Variants in DYRK1A observed in about 807,000 individuals in gnomAD.
The protein encoded by DYRK1A is dual specificity tyrosine-phosphorylation-regulated kinase 1A.
In DYRK1A, 9 loss-of-function variants were observed where a neutral mutation model predicts 79.7. The ratio of observed to expected loss-of-function variants is 0.11; its 90% confidence interval spans 0.07 to 0.20. The LOEUF is 0.20. Ranked by LOEUF, DYRK1A falls within the 10% of genes least tolerant of loss-of-function variation. The probability of loss-of-function intolerance (pLI) is 1.00; values close to 1 mark genes in which losing one functional copy is unlikely to be tolerated. For synonymous variants in DYRK1A, 349 were observed against 329.7 expected (o/e 1.06, Z -0.63); for missense variants, 622 against 956.0 (o/e 0.65, Z 4.61).
chr21:37,503,000 A>G (rs2053495641), intron 9 of DYRK1A: 2 of 152,174 alleles, frequency 1.3e-5, no homozygotes, highest in Admixed American at 1.3e-4. Flanking sequence ...TATTCTTAGC[A>G]TTGTTCCCCT....
At chr21:37,510,759 A>G (rs1376355183) in intron 11 of DYRK1A, among the ~76,000 whole-genome samples, 1 of 151,622 alleles carries the variant, frequency 6.6e-6, no homozygotes, top group African/African-American at 2.4e-5. Context: ...TACTGTGTCC[A>G]GCAGGCAGAA....
In DYRK1A at chr21:37,480,670, A is replaced by G. The variant is rs370463929; in HGVS notation, c.333A>G (p.Gln111=). 1.1e-4 allele frequency: 175 copies of G among 1,600,060 alleles called. No individual in the cohort carries two copies. Among genetic ancestry groups the G allele is most frequent in the Admixed American group, 4.8e-4 (27 of 56,374 alleles). The change falls in exon 5 of 12, where the codon CAA becomes CAG. Residue 111 remains glutamine (Q), a synonymous_variant. Coordinates refer to ENST00000647188, the MANE Select transcript of DYRK1A (RefSeq NM_001347721.2). ...ATGCAAAAAAGAAGCGAAGACACCA[A>G]CAGGGCCAGGGAGACGATTCTAGTC... The part of the protein sequence containing the change: ...VYYAKKKRRH[Q]QGQGDDSSHK...
At chr21:37,436,457 T>C (rs1404433568) in intron 2 of DYRK1A, among the ~76,000 whole-genome samples, 1 of 152,200 alleles carries the variant, frequency 6.6e-6, no homozygotes, top group African/African-American at 2.4e-5. Context: ...TTCTGGCTTT[T>C]TGTCACTTGG....
At chr21:37,510,222 T>G (rs980365456) in intron 11 of DYRK1A, among the ~76,000 whole-genome samples, 3 of 152,248 alleles carry the variant, frequency 2.0e-5, no homozygotes, top group Non-Finnish European at 4.4e-5. Flanking sequence ...ATAATTTTGA[T>G]AACTATTGCC....
At chr21:37,449,778 AT>A (rs1569332379) in intron 2 of DYRK1A, among the ~76,000 whole-genome samples, 1 of 152,140 alleles carries the variant, frequency 6.6e-6, no homozygotes, top group Non-Finnish European at 1.5e-5. Flanking sequence ...CCCCATAAAT[AT>A]CCTGTTTTTG....
intron 7 of DYRK1A, among the ~76,000 whole-genome samples, chr21:37,492,401 A>G (rs1159449372): frequency 2.0e-5 from 3 of 152,298 alleles, no homozygotes; most frequent in African/African-American, 7.2e-5. Context: ...AAAATAGTCC[A>G]TTTCAGGATT....
intron 2 of DYRK1A, among the ~76,000 whole-genome samples, chr21:37,456,786 A>C (rs939275201): frequency 1.3e-5 from 2 of 152,140 alleles, no homozygotes; most frequent in African/African-American, 4.8e-5. Flanking sequence ...TACATGCTGG[A>C]ATAATGCCAC....
At chr21:37,397,192 G>A (rs1231055233) in intron 1 of DYRK1A, among the ~76,000 whole-genome samples, 6 of 152,180 alleles carry the variant, frequency 3.9e-5, no homozygotes, top group Non-Finnish European at 8.8e-5. Flanking sequence ...ACCTAGTTGG[G>A]CCGTCATGTG....
At chr21:37,505,643 G>T in intron 10 of DYRK1A, 54 bp downstream of exon 10, 2 of 1,497,360 alleles carry the variant, frequency 1.3e-6, no homozygotes, top group Non-Finnish European at 1.8e-6. Context: ...TTTTCTTTAT[G>T]AAGTGGGATT....
At chr21:37,436,274 G>T (rs1047498300) in intron 2 of DYRK1A, among the ~76,000 whole-genome samples, 2 of 152,284 alleles carry the variant, frequency 1.3e-5, no homozygotes, top group Middle Eastern at 3.4e-3. Context: ...GCATTTTAGG[G>T]TGAGGAATAG....
At chr21:37,451,625 C>T (rs929658222) in intron 2 of DYRK1A, among the ~76,000 whole-genome samples, 80 of 147,140 alleles carry the variant, frequency 5.4e-4, no homozygotes, top group Non-Finnish European at 3.4e-4. Context: ...TAGGCTCCAC[C>T]GTCTAGCGTG....
intron 2 of DYRK1A, among the ~76,000 whole-genome samples, chr21:37,432,968 T>C (rs930601572): frequency 7.1e-6 from 1 of 141,050 alleles, no homozygotes. Context: ...AGAGCAAAAC[T>C]CCATCTAAAA....
chr21:37,506,843 G>C (rs2053612442), intron 11 of DYRK1A, among the ~76,000 whole-genome samples: 1 of 152,344 alleles, frequency 6.6e-6, no homozygotes, highest in South Asian at 2.1e-4. Flanking sequence ...TGAGAGGCCA[G>C]TGTAGTATTT....
In DYRK1A at chr21:37,512,694, G is replaced by A; in HGVS notation, c.*163G>A. 2.6e-6 allele frequency: 2 copies of A among 776,808 alleles called. No homozygotes were observed. Among genetic ancestry groups the A allele is most frequent in the Non-Finnish European group, 4.0e-6 (2 of 497,902 alleles). 48.1% of individuals were successfully genotyped at this position (776,808 alleles called of 1,614,324 possible). A position where few individuals can be genotyped will look rare whatever the true frequency, so the allele number is the denominator to read the frequency against. ...TTTTTAACTTGAAAAGATTGCAAAG[G>A]GACATTGAAGTGTTTAAAAGAGCCA... On this transcript the variant is annotated 3_prime_UTR_variant, in exon 12 of 12. Transcript: ENST00000647188.
At chr21:37,385,082 A>C (rs944401872) in intron 1 of DYRK1A, among the ~76,000 whole-genome samples, 16 of 152,036 alleles carry the variant, frequency 1.1e-4, no homozygotes, top group African/African-American at 3.9e-4. Flanking sequence ...AGTTGGCTTC[A>C]TATATACATC....
chr21:37,483,625 C>T (rs943964797), intron 5 of DYRK1A, among the ~76,000 whole-genome samples: 6 of 152,040 alleles, frequency 3.9e-5, no homozygotes, highest in African/African-American at 1.2e-4. Flanking sequence ...CTGTATCAGC[C>T]TGGCAGGAGT....
chr21:37,373,195 T>C (rs2148356368), intron 1 of DYRK1A, among the ~76,000 whole-genome samples: 1 of 152,282 alleles, frequency 6.6e-6, no homozygotes, highest in South Asian at 2.1e-4. Context: ...ATGCCAGATA[T>C]AGATAGCACC....
At chr21:37,481,213 G>A (rs912676207) in intron 5 of DYRK1A, 1 of 154,452 alleles carries the variant, frequency 6.5e-6, no homozygotes, top group Non-Finnish European at 1.4e-5. Context: ...CCATGTTCAG[G>A]TGGTGCAGTG....
Position 37,513,763 on chromosome 21 carries a change from C to T in DYRK1A, c.*1232C>T, listed in dbSNP as rs2053827323. ...GAATTTTATGTGACTGCTTTTTTGC[C>T]TCACAATTATGCTGTGAATTTTACA... On this transcript the variant is annotated 3_prime_UTR_variant, in exon 12 of 12. Coordinates refer to ENST00000647188, the MANE Select transcript of DYRK1A (RefSeq NM_001347721.2). The T allele has an allele frequency of 6.6e-6, 1 of 152,542 alleles. No individual in the cohort carries two copies. The allele number at this position is 152,542 out of a possible 1,614,324, so 9.4% of individuals were successfully genotyped here. A position where few individuals can be genotyped will look rare whatever the true frequency, so the allele number is the denominator to read the frequency against.
Sources: allele counts gnomAD v4.1 joint callset (sites outside exome capture counted in the v4.1 genomes callset), GRCh38; gene constraint gnomAD v4.1.1; transcripts MANE v1.5; gene names NCBI Gene and HGNC (gene_info 2026-07-23, HGNC 2026-07-21).